FAM81B: variants seen among roughly 807,000 people sequenced by gnomAD.
FAM81B encodes protein FAM81B.
Under a neutral mutation model 58.7 loss-of-function variants are expected in FAM81B, and 60 were observed. The observed-to-expected ratio is 1.02, with a 90% CI of 0.83 to 1.27. FAM81B has a LOEUF of 1.27. FAM81B is among the 50% of genes most tolerant of loss of function. The pLI, the probability that FAM81B is intolerant of heterozygous loss-of-function variation, is 0.00. For missense variants in FAM81B, 491 were observed against 522.0 expected, an observed-to-expected ratio of 0.94 and a Z score of 0.58; for synonymous variants, 189 against 179.6, an observed-to-expected ratio of 1.05 and a Z score of -0.42.
At chr5:95,428,405 A>G (rs1024819921) in intron 5 of FAM81B, among the ~76,000 whole-genome samples, 198 bp from the exon 6 acceptor site, 2 of 152,242 alleles carry the variant, frequency 1.3e-5, no homozygotes, top group Admixed American at 1.3e-4. Flanking sequence ...GAGCCAATGC[A>G]TTCAACCTGG....
chr5:95,397,670 A>G (rs1391624516), intron 3 of FAM81B, among the ~76,000 whole-genome samples: 2 of 152,250 alleles, frequency 1.3e-5, no homozygotes, highest in African/African-American at 2.4e-5. Flanking sequence ...AAGAGGAAGA[A>G]ATAGTCTATA....
intron 4 of FAM81B, among the ~76,000 whole-genome samples, chr5:95,417,566 G>A (rs1185177372): frequency 6.6e-6 from 1 of 152,118 alleles, no homozygotes; most frequent in African/African-American, 2.4e-5. Context: ...TTTATCTTTT[G>A]AGTTTTAGTA....
chr5:95,393,151 T>C (rs1291506055), intron 2 of FAM81B, among the ~76,000 whole-genome samples: 1 of 152,226 alleles, frequency 6.6e-6, no homozygotes, highest in Admixed American at 6.5e-5. Context: ...ATGTATGTTT[T>C]ATGATGATTC....
At chr5:95,408,176 C>T (rs1762315228) in intron 3 of FAM81B, among the ~76,000 whole-genome samples, 1 of 151,242 alleles carries the variant, frequency 6.6e-6, no homozygotes, top group Non-Finnish European at 1.5e-5. Context: ...GAGGAGCAAA[C>T]CACACATATT....
chr5:95,401,503 T>C (rs908779306), intron 3 of FAM81B, among the ~76,000 whole-genome samples: 11 of 152,056 alleles, frequency 7.2e-5, no homozygotes, highest in African/African-American at 2.2e-4. Context: ...CTATAGAAAA[T>C]GTTTTTTCTA....
At chr5:95,396,254 T>A in intron 3 of FAM81B, 79 bp downstream of exon 3, 1 of 1,144,852 alleles carries the variant, frequency 8.7e-7, no homozygotes, top group South Asian at 1.5e-5. Flanking sequence ...AAAGAAAAAA[T>A]CCTGTGTTTA....
At chr5:95,402,999 T>G (rs1180750204) in intron 3 of FAM81B, among the ~76,000 whole-genome samples, 1 of 152,250 alleles carries the variant, frequency 6.6e-6, no homozygotes, top group Non-Finnish European at 1.5e-5. Context: ...TGCTTCTGGA[T>G]GTCTACAGAA....
intron 4 of FAM81B, 72 bp from the exon 5 acceptor site, chr5:95,420,212 C>T: frequency 6.3e-7 from 1 of 1,587,770 alleles, no homozygotes. Flanking sequence ...ATTTAGGTAA[C>T]CCCTGCTTTA....
At chr5:95,447,713 G>A (rs1745634044) in intron 8 of FAM81B, among the ~76,000 whole-genome samples, 1 of 152,240 alleles carries the variant, frequency 6.6e-6, no homozygotes, top group South Asian at 2.1e-4. Flanking sequence ...TCCCTGTGGA[G>A]AAGTGAGGAG....
At chr5:95,434,121 T>A (rs1745009118) in intron 6 of FAM81B, among the ~76,000 whole-genome samples, 1 of 152,202 alleles carries the variant, frequency 6.6e-6, no homozygotes, top group African/African-American at 2.4e-5. Flanking sequence ...AAATGCATTA[T>A]CTCATGCTTT....
intron 4 of FAM81B, among the ~76,000 whole-genome samples, chr5:95,415,290 C>T (rs1034412143): frequency 5.3e-5 from 8 of 152,096 alleles, no homozygotes; most frequent in Admixed American, 1.3e-4. Context: ...TGCAGTCTCA[C>T]GATACTTGTC....
intron 6 of FAM81B, among the ~76,000 whole-genome samples, chr5:95,435,937 T>TA (rs1408836649): frequency 1.3e-5 from 2 of 152,228 alleles, no homozygotes; most frequent in African/African-American, 2.4e-5. Context: ...ACCCAACACT[T>TA]ACCTATTCAA....
Position 95,450,376 on chromosome 5 carries a change from G to C in FAM81B, c.*94G>C. 3 of 1,558,132 alleles carry C rather than the reference G, an allele frequency of 1.9e-6. No homozygotes were observed. Among genetic ancestry groups the C allele is most frequent in the Non-Finnish European group, 1.7e-6 (2 of 1,159,344 alleles). On this transcript the variant is annotated 3_prime_UTR_variant, in exon 10 of 10. Transcript: ENST00000283357. ...AGTTACTATCTCTGGGATGTTTACT[G>C]CTTCTAATGTCTCCTTTTAAGGAGA... is the stretch of plus-strand genomic sequence containing the variant.
chr5:95,417,483 C>G (rs769199155), intron 4 of FAM81B, among the ~76,000 whole-genome samples: 3 of 152,148 alleles, frequency 2.0e-5, no homozygotes, highest in Non-Finnish European at 4.4e-5. Flanking sequence ...GTCTCTACAA[C>G]AACAACAACA....
At chr5:95,428,876 T>G in intron 6 of FAM81B, 144 bp downstream of exon 6, 3 of 1,099,066 alleles carry the variant, frequency 2.7e-6, no homozygotes, top group Non-Finnish European at 4.0e-6. Context: ...CTCACTCATA[T>G]ACGCCATGGA....
At chr5:95,439,244 A>C (rs1323821343) in intron 7 of FAM81B, among the ~76,000 whole-genome samples, 2 of 137,052 alleles carry the variant, frequency 1.5e-5, no homozygotes, top group African/African-American at 5.6e-5. Context: ...GAGTATATAT[A>C]TATATATATA....
At chr5:95,420,678 A>G (rs73141918) in intron 5 of FAM81B, among the ~76,000 whole-genome samples, 39,979 of 152,090 alleles carry the variant, frequency 0.26, 6,399 homozygotes, top group African/African-American at 0.45. Flanking sequence ...GCCAACATCC[A>G]TACATAGACG....
At chr5:95,440,170 CA>C (rs57980863) in intron 7 of FAM81B, 70,067 of 606,268 alleles carry the variant, frequency 0.12, 6,901 homozygotes, top group African/African-American at 0.4. Context: ...GAGGTGCTGA[CA>C]AGTCCTTTCA....
intron 6 of FAM81B, among the ~76,000 whole-genome samples, chr5:95,435,956 G>T (rs950175351): frequency 6.6e-6 from 1 of 151,932 alleles, no homozygotes; most frequent in African/African-American, 2.4e-5. Flanking sequence ...AAATCCTTCC[G>T]TTACTCCCCT....
Sources: allele counts gnomAD v4.1 joint callset (sites outside exome capture counted in the v4.1 genomes callset), GRCh38; gene constraint gnomAD v4.1.1; transcripts MANE v1.5; gene names NCBI Gene and HGNC (gene_info 2026-07-23, HGNC 2026-07-21).